PAN3: variants seen among roughly 807,000 people sequenced by gnomAD.
PAN3 encodes PAN2-PAN3 deadenylation complex subunit PAN3.
A neutral mutation model predicts 96.2 loss-of-function variants in PAN3; 19 were observed. The observed-to-expected ratio is 0.20, with a 90% CI of 0.14 to 0.29. The LOEUF is 0.29. Among genes scored for constraint, PAN3 ranks in the 10% least tolerant of loss-of-function variants. The pLI, the probability that PAN3 is intolerant of heterozygous loss-of-function variation, is 1.00. For synonymous variants in PAN3, 433 were observed against 406.6 expected, an observed-to-expected ratio of 1.06 and a Z score of -0.78; for missense variants, 882 against 1,108.1, an observed-to-expected ratio of 0.80 and a Z score of 2.90.
chr13:28,242,337 G>A (rs1291784057), intron 6 of PAN3, among the ~76,000 whole-genome samples: 1 of 151,992 alleles, frequency 6.6e-6, no homozygotes. Context: ...TTGGTTGTTG[G>A]TACCAAGAAA....
chr13:28,244,649 G>C (rs901090888), intron 6 of PAN3, among the ~76,000 whole-genome samples: 59 of 151,838 alleles, frequency 3.9e-4, no homozygotes, highest in African/African-American at 1.4e-3. Flanking sequence ...CATTACTGTA[G>C]GTTTGATCAT....
chr13:28,249,356 T>A lies in PAN3; in HGVS notation c.1001-6936T>A, dbSNP rs181432167. 3.9e-5 allele frequency among the ~76,000 whole-genome samples: 6 copies of A among 152,348 alleles called. No homozygotes were observed. The East Asian group carries it at 1.2e-3, about 29-fold the overall frequency. ...TGGATGTTATATATTATGTTTCTGTTTCACGTGGTCACCACTAGATTTTTA... is the reference window on the plus strand; with the variant it reads ...TGGATGTTATATATTATGTTTCTGTATCACGTGGTCACCACTAGATTTTTA... On this transcript the variant is annotated intron_variant, in intron 6 of 18. Coordinates refer to ENST00000380958, the MANE Select transcript of PAN3 (RefSeq NM_175854.8).
chr13:28,265,557 A>G (rs1392663201), intron 9 of PAN3, among the ~76,000 whole-genome samples: 1 of 152,186 alleles, frequency 6.6e-6, no homozygotes, highest in African/African-American at 2.4e-5. Context: ...ATTCTACCTC[A>G]TGGAATTGTT....
At chr13:28,195,443 T>G (rs1877928835) in intron 4 of PAN3, among the ~76,000 whole-genome samples, 1 of 152,190 alleles carries the variant, frequency 6.6e-6, no homozygotes, top group Non-Finnish European at 1.5e-5. Flanking sequence ...ACTGCCATAA[T>G]TATTGAGTAA....
intron 6 of PAN3, among the ~76,000 whole-genome samples, chr13:28,248,353 G>A (rs905964813): frequency 4.6e-5 from 7 of 151,926 alleles, no homozygotes; most frequent in East Asian, 3.8e-4. Flanking sequence ...ATAATATCAC[G>A]TTGCCTACAA....
intron 1 of PAN3, among the ~76,000 whole-genome samples, chr13:28,140,328 C>T (rs117149786): frequency 0.012 from 1,808 of 152,280 alleles, 13 homozygotes; most frequent in Non-Finnish European, 0.018. Context: ...CCAGATGTCC[C>T]TGTTTTGTTT....
chr13:28,215,076 G>T, intron 5 of PAN3: 1 of 936,320 alleles, frequency 1.1e-6, no homozygotes, highest in South Asian at 1.3e-5. Flanking sequence ...TCCTGACACA[G>T]TAGCATTTGT....
At chr13:28,215,760 C>G (rs1303967764) in intron 5 of PAN3, 5 of 1,462,322 alleles carry the variant, frequency 3.4e-6, no homozygotes. Context: ...CTTCTCAGAC[C>G]ATCCTCTTCT....
chr13:28,259,512 G>A (rs757629464), intron 7 of PAN3, among the ~76,000 whole-genome samples: 1 of 151,952 alleles, frequency 6.6e-6, no homozygotes, highest in Non-Finnish European at 1.5e-5. Flanking sequence ...CACCATGTTA[G>A]CCAGGATAAT....
chr13:28,221,938 A>G (rs981569383), intron 6 of PAN3, among the ~76,000 whole-genome samples: 14 of 152,210 alleles, frequency 9.2e-5, no homozygotes, highest in African/African-American at 2.9e-4. Context: ...ACTTCTGAGC[A>G]GTGTTGTAAT....
intron 14 of PAN3, among the ~76,000 whole-genome samples, chr13:28,272,464 T>G (rs898119536): frequency 2.0e-5 from 3 of 151,978 alleles, no homozygotes; most frequent in African/African-American, 7.3e-5. Flanking sequence ...TTTGTAGAGA[T>G]AGAGGCTCAC....
At chr13:28,209,777 C>G (rs1879808225) in intron 5 of PAN3, among the ~76,000 whole-genome samples, 1 of 152,084 alleles carries the variant, frequency 6.6e-6, no homozygotes, top group South Asian at 2.1e-4. Flanking sequence ...GCCTGCCTTT[C>G]TTTTTCTTTT....
chr13:28,143,567 A>G (rs757507692), intron 1 of PAN3, among the ~76,000 whole-genome samples: 3 of 152,218 alleles, frequency 2.0e-5, no homozygotes, highest in Non-Finnish European at 4.4e-5. Flanking sequence ...CTCTTTGACT[A>G]GCTTTGTGAC....
At chr13:28,250,447 C>G (rs909553855) in intron 6 of PAN3, among the ~76,000 whole-genome samples, 1 of 152,234 alleles carries the variant, frequency 6.6e-6, no homozygotes. Context: ...CTCACTGCAA[C>G]CTCTGCCTCC....
At chr13:28,241,865 A>G (rs1883694961) in intron 6 of PAN3, among the ~76,000 whole-genome samples, 1 of 151,750 alleles carries the variant, frequency 6.6e-6, no homozygotes, top group Admixed American at 6.6e-5. Context: ...CCTTGTTATT[A>G]AGAAGATAAT....
intron 5 of PAN3, among the ~76,000 whole-genome samples, chr13:28,204,939 C>G (rs1374601714): frequency 1.3e-5 from 2 of 152,288 alleles, no homozygotes; most frequent in Admixed American, 1.3e-4. Flanking sequence ...ATTTCATTGT[C>G]TCCTTGTCAG....
chr13:28,252,555 G>A (rs1273903270), intron 6 of PAN3, among the ~76,000 whole-genome samples: 1 of 151,880 alleles, frequency 6.6e-6, no homozygotes, highest in Non-Finnish European at 1.5e-5. Flanking sequence ...TCTTTTGTTA[G>A]TTCCAGTTAA....
In PAN3 at chr13:28,229,669, G is replaced by T. The variant is rs531616876; in HGVS notation, c.1000+9291G>T. On this transcript the variant is annotated intron_variant, in intron 6 of 18. Transcript: ENST00000380958. ...GTGCCTGAAAGTAGTGCCTTGAATGGCCATAATCTGGCAAGCTTACTTTGA... is the reference window on the plus strand; with the variant it reads ...GTGCCTGAAAGTAGTGCCTTGAATGTCCATAATCTGGCAAGCTTACTTTGA... Among the ~76,000 whole-genome samples the T allele has an allele frequency of 2.0e-5, 3 of 152,278 alleles. No homozygotes were observed. In the South Asian group the frequency reaches 6.2e-4, roughly 32 times the overall value.
At chr13:28,241,829 C>T (rs1294013173) in intron 6 of PAN3, among the ~76,000 whole-genome samples, 1 of 152,052 alleles carries the variant, frequency 6.6e-6, no homozygotes, top group African/African-American at 2.4e-5. Context: ...TATGATTTTT[C>T]TCATGGCAAA....
Sources: gnomAD v4.1 joint callset for allele counts (sites outside exome capture counted in the v4.1 genomes callset) on GRCh38, gnomAD v4.1.1 for gene constraint, MANE v1.5 for transcripts, NCBI Gene and HGNC (gene_info 2026-07-23, HGNC 2026-07-21) for gene names.